Variants in PPP1R15B observed in about 807,000 individuals in gnomAD.
PPP1R15B encodes protein phosphatase 1, regulatory (inhibitor) subunit 15B.
Under a neutral mutation model 53.9 loss-of-function variants are expected in PPP1R15B, and 31 were observed. That is an observed-to-expected ratio of 0.58 (90% confidence interval 0.43 to 0.78). The LOEUF is 0.78. Among genes scored for constraint, PPP1R15B ranks in the 30% least tolerant of loss-of-function variants. PPP1R15B has a pLI of 0.00. For synonymous variants in PPP1R15B, 345 were observed against 329.1 expected (o/e 1.05, Z -0.52); for missense variants, 928 against 849.6 (o/e 1.09, Z -1.15).
downstream of PPP1R15B, among the ~76,000 whole-genome samples, chr1:204,399,165 C>T (rs1225602953): frequency 6.6e-6 from 1 of 152,154 alleles, no homozygotes; most frequent in Non-Finnish European, 1.5e-5. Flanking sequence ...CAGTGGCTCA[C>T]ACATGTAATC....
rs767161987 is a variant in PPP1R15B, at chr1:204,409,692, G to C, written c.1720C>G (p.Pro574Ala). Residue 574 changes from proline to alanine, a missense_variant, in exon 1 of 2, where the codon CCT becomes GCT. Coordinates refer to ENST00000367188, the MANE Select transcript of PPP1R15B (RefSeq NM_032833.5). ...DPYNPLNFKA[P>A]FQTSGENEKG... ...TCATTTTCCCCTGATGTTTGAAAAG[G>C]AGCCTTAAAATTTAAAGGGTTGTAG... 13 of 1,614,092 alleles carry C rather than the reference G, an allele frequency of 8.1e-6. No homozygotes were observed. Among genetic ancestry groups the C allele is most frequent in the South Asian group, 4.4e-5 (4 of 91,082 alleles).
At chr1:204,402,593 T>G (rs559184703), downstream of PPP1R15B, among the ~76,000 whole-genome samples, 11 of 146,212 alleles carry the variant, frequency 7.5e-5, no homozygotes, top group East Asian at 7.9e-4. Flanking sequence ...AGTTTTTTTG[T>G]TTTTTTTTGT....
In PPP1R15B at chr1:204,409,688, A is replaced by T. The variant is rs764340972; in HGVS notation, c.1724T>A (p.Phe575Tyr). The T allele has an allele frequency of 3.1e-6, 5 of 1,614,120 alleles. No individual in the cohort carries two copies. The Admixed American group carries it at 5.0e-5, about 16-fold the overall frequency. Reference sequence around the variant, plus strand: ...TTTCTCATTTTCCCCTGATGTTTGAAAAGGAGCCTTAAAATTTAAAGGGTT... The same window carrying T: ...TTTCTCATTTTCCCCTGATGTTTGATAAGGAGCCTTAAAATTTAAAGGGTT... The part of the protein sequence containing the change: ...PYNPLNFKAP[F>Y]QTSGENEKGC... The change falls in exon 1 of 2, where the codon TTT becomes TAT. Residue 575 changes from phenylalanine (F) to tyrosine (Y), a missense_variant. Phe to Tyr is a conservative substitution (Grantham distance 22). Transcript: ENST00000367188.
chr1:204,400,739 T>C (rs1674166916), downstream of PPP1R15B: 2 of 982,066 alleles, frequency 2.0e-6, no homozygotes, highest in Non-Finnish European at 2.4e-6. Context: ...TCTCTGGCAA[T>C]TGTGCTCTTC....
At chr1:204,408,694 A>C (rs935145033) in intron 1 of PPP1R15B, among the ~76,000 whole-genome samples, 1 of 152,244 alleles carries the variant, frequency 6.6e-6, no homozygotes, top group African/African-American at 2.4e-5. Context: ...AACCAACTCT[A>C]AAGACTCCCA....
chr1:204,400,932 T>C (rs1572250686), downstream of PPP1R15B: 1 of 165,918 alleles, frequency 6.0e-6, no homozygotes, highest in East Asian at 1.9e-4. Context: ...TCCCTTGTTG[T>C]ACAGCTTTCC....
Position 204,409,835 on chromosome 1 carries a change from G to T in PPP1R15B, c.1577C>A (p.Ser526Tyr). ...GKSDLENSSQ[S>Y]GSLPETPEHS... is the part of the protein sequence containing the mutation. ...CTCAGGGGTCTCAGGAAGGCTTCCA[G>T]ACTGGGAGGAATTCTCTAGATCAGA... Residue 526 changes from serine (S) to tyrosine (Y), a missense_variant, in exon 1 of 2, where the codon TCT becomes TAT. Ser to Tyr is a moderately radical substitution (Grantham distance 144). Transcript: ENST00000367188. 6.2e-7 allele frequency: 1 copy of T among 1,614,160 alleles called. No homozygotes were observed. Among genetic ancestry groups the T allele is most frequent in the Non-Finnish European group, 8.5e-7 (1 of 1,180,032 alleles).
At chr1:204,397,017 G>A (rs918626563), downstream of PPP1R15B, among the ~76,000 whole-genome samples, 3 of 151,820 alleles carry the variant, frequency 2.0e-5, no homozygotes, top group East Asian at 3.9e-4. Flanking sequence ...GGGAGATCTC[G>A]CCCCTACAGA....
Position 204,405,532 on chromosome 1 carries a change from A to G in PPP1R15B, c.*560T>C. ...ATCCAAGTCATTTTTACAAGAAAAA[A>G]AAAAGTGACACAAAATAATGCACTT... On this transcript the variant is annotated 3_prime_UTR_variant, in exon 2 of 2. Coordinates refer to ENST00000367188, the MANE Select transcript of PPP1R15B (RefSeq NM_032833.5). The G allele has an allele frequency of 1.0e-6, 1 of 983,576 alleles. No individual in the cohort carries two copies. 60.9% of individuals were successfully genotyped at this position (983,576 alleles called of 1,614,324 possible). A position where few individuals can be genotyped will look rare whatever the true frequency, so the allele number is the denominator to read the frequency against.
rs1353945665 is a variant in PPP1R15B, at chr1:204,403,785, C to G, written c.*2307G>C. On this transcript the variant is annotated 3_prime_UTR_variant, in exon 2 of 2. Coordinates refer to ENST00000367188, the MANE Select transcript of PPP1R15B (RefSeq NM_032833.5). ...TGTTCTAACTAGAATTGGGATGAAA[C>G]AAGAATTTTGCTTTTTTCTCCTTCA... is the stretch of plus-strand genomic sequence containing the variant. The G allele has an allele frequency of 1.0e-6, 1 of 985,592 alleles. No homozygotes were observed. Among genetic ancestry groups the G allele is most frequent in the Admixed American group, 6.1e-5 (1 of 16,266 alleles). 61.1% of individuals were successfully genotyped at this position (985,592 alleles called of 1,614,324 possible).
At position 204,404,702 on chromosome 1, in the gene PPP1R15B, TAA is replaced by T. The variant is rs1317179148; in HGVS notation, c.*1388_*1389del. 2 of 985,662 alleles carry T rather than the reference TAA, an allele frequency of 2.0e-6. No individual in the cohort carries two copies. The highest frequency in any genetic ancestry group is 3.5e-5 in the African/African-American group (2 of 57,212). 61.1% of individuals were successfully genotyped at this position (985,662 alleles called of 1,614,324 possible). On this transcript the variant is annotated 3_prime_UTR_variant, in exon 2 of 2. Coordinates refer to ENST00000367188, the MANE Select transcript of PPP1R15B (RefSeq NM_032833.5). The stretch of plus-strand genomic sequence containing the variant: ...CTGATGAAAAATTCATCCCCACACT[TAA>T]ATAAGTTCAAAACTAAGAGGTCACC...
Position 204,405,224 on chromosome 1 carries a change from A to G in PPP1R15B, c.*868T>C, listed in dbSNP as rs1674244631. 1 of 981,204 alleles carries G rather than the reference A, an allele frequency of 1.0e-6. No homozygotes were observed. Among genetic ancestry groups the G allele is most frequent in the South Asian group, 4.7e-5 (1 of 21,204 alleles). The allele number at this position is 981,204 out of a possible 1,614,324, so 60.8% of individuals were successfully genotyped here. On this transcript the variant is annotated 3_prime_UTR_variant, in exon 2 of 2. Transcript: ENST00000367188. Reference sequence around the variant, plus strand: ...TTTCTAGGAAATTTCTAGGCTTTTAAGTTTAAAAAATAAATGATTATGATG... The same window carrying G: ...TTTCTAGGAAATTTCTAGGCTTTTAGGTTTAAAAAATAAATGATTATGATG...
At chr1:204,407,854 A>G (rs554617330) in intron 1 of PPP1R15B, among the ~76,000 whole-genome samples, 1 of 152,308 alleles carries the variant, frequency 6.6e-6, no homozygotes, top group South Asian at 2.1e-4. Flanking sequence ...TCCATACACC[A>G]TTCCCCATAT....
chr1:204,395,955 T>C (rs1044759129), downstream of PPP1R15B, among the ~76,000 whole-genome samples: 1 of 152,190 alleles, frequency 6.6e-6, no homozygotes, highest in Admixed American at 6.5e-5. Context: ...TCAAAACTCA[T>C]TGAATTCATA....
Position 204,410,821 on chromosome 1 carries a change from G to A in PPP1R15B, c.591C>T (p.Asn197=), listed in dbSNP as rs1257943433. The A allele has an allele frequency of 1.9e-6, 3 of 1,614,082 alleles. No individual in the cohort carries two copies. The East Asian group carries it at 6.7e-5, about 36-fold the overall frequency. ...CAGAGGGCGAAGAGCCAAGTTCCCG[G>A]TTAGAGTACAGACGGGATTGAAGGC... ...PSSLQSRLYS[N]RELGSSPSGP... is the part of the protein sequence containing the mutation. Residue 197 remains asparagine, a synonymous_variant, in exon 1 of 2, where the codon AAC becomes AAT. Transcript: ENST00000367188.
At chr1:204,400,747 T>A (rs2942133), downstream of PPP1R15B, 25 of 980,416 alleles carry the variant, frequency 2.5e-5, no homozygotes, top group South Asian at 9.4e-5. Flanking sequence ...AATTGTGCTC[T>A]TCTTTTGCTA....
rs936621265 is a variant in PPP1R15B at position 204,409,529 on chromosome 1, A to T, written c.1883T>A (p.Leu628His). 3 of 1,613,180 alleles carry T rather than the reference A, an allele frequency of 1.9e-6. No homozygotes were observed. In the Admixed American group the frequency reaches 5.0e-5, roughly 27 times the overall value. The stretch of plus-strand genomic sequence containing the variant: ...GACATGTGTGTGTCTTCCTCCAGAA[A>T]GAACGTCACGCTGTACCGAGTCTGG... ...ECPDSVQRDVLSGGRHTHVKR... is the reference protein window; with the variant it reads ...ECPDSVQRDVHSGGRHTHVKR... The change falls in exon 1 of 2, where the codon CTT becomes CAT. Residue 628 changes from leucine (L) to histidine (H), a missense_variant. Coordinates refer to ENST00000367188, the MANE Select transcript of PPP1R15B (RefSeq NM_032833.5).
At chr1:204,408,750 T>A (rs1009453567) in intron 1 of PPP1R15B, among the ~76,000 whole-genome samples, 3 of 152,184 alleles carry the variant, frequency 2.0e-5, no homozygotes, top group African/African-American at 7.2e-5. Context: ...AAATGCTGCA[T>A]GAAGTTTTAA....
chr1:204,410,255 G>T lies in PPP1R15B; in HGVS notation c.1157C>A (p.Pro386Gln). Residue 386 changes from proline (P) to glutamine (Q), a missense_variant, in exon 1 of 2, where the codon CCA (proline) becomes CAA (glutamine). Coordinates refer to ENST00000367188, the MANE Select transcript of PPP1R15B (RefSeq NM_032833.5). ...LEEESPSEGC[P>Q]SSEIPMEKEP... ...CTTTTCCATAGGTATCTCACTAGATGGACAGCCCTCAGAAGGGCTCTCTTC... is the reference window on the plus strand; with the variant it reads ...CTTTTCCATAGGTATCTCACTAGATTGACAGCCCTCAGAAGGGCTCTCTTC... 1 of 1,614,048 alleles carries T rather than the reference G, an allele frequency of 6.2e-7. No homozygotes were observed. The highest frequency in any genetic ancestry group is 1.1e-5 in the South Asian group (1 of 91,080).
Sources: gnomAD v4.1 joint callset for allele counts (sites outside exome capture counted in the v4.1 genomes callset) on GRCh38, gnomAD v4.1.1 for gene constraint, MANE v1.5 for transcripts, NCBI Gene and HGNC (gene_info 2026-07-23, HGNC 2026-07-21) for gene names.